The following MAPK10 variants were observed in gnomAD, a reference collection of about 807,000 sequenced individuals.
MAPK10 encodes mitogen-activated protein kinase 10.
MAPK10 carries 25 observed loss-of-function variants against 59.3 expected under a neutral mutation model. That is an observed-to-expected ratio of 0.42 (90% CI 0.31 to 0.59). The LOEUF is 0.59. MAPK10 is among the 20% of genes least tolerant of loss of function. The pLI is 0.15. For missense variants in MAPK10, 351 were observed against 568.9 expected, an observed-to-expected ratio of 0.62 and a Z score of 3.90; for synonymous variants, 190 against 200.5, an observed-to-expected ratio of 0.95 and a Z score of 0.44.
chr4:86,327,785 CAAAAAAAA>C (rs5860023), intron 2 of MAPK10: 38 of 68,908 alleles, frequency 5.5e-4, no homozygotes, highest in African/African-American at 2.1e-3. Context: ...ACTAAAAATA[CAAAAAAAA>C]AAAAAAAAAA....
intron 3 of MAPK10, among the ~76,000 whole-genome samples, chr4:86,168,055 A>G (rs2072477699): frequency 6.6e-6 from 1 of 152,214 alleles, no homozygotes; most frequent in Non-Finnish European, 1.5e-5. Context: ...TCAATGTGCA[A>G]AAGTTACAAG....
intron 4 of MAPK10, among the ~76,000 whole-genome samples, chr4:86,121,691 A>G (rs1217142040): frequency 6.6e-6 from 1 of 152,146 alleles, no homozygotes; most frequent in African/African-American, 2.4e-5. Flanking sequence ...TAATTAACAT[A>G]TATATTACCT....
intron 1 of MAPK10, among the ~76,000 whole-genome samples, chr4:86,569,614 C>T (rs74686358): frequency 0.048 from 7,229 of 152,096 alleles, 223 homozygotes; most frequent in African/African-American, 0.059. Flanking sequence ...GAAATATGCT[C>T]AGCTATAAAA....
intron 1 of MAPK10, among the ~76,000 whole-genome samples, chr4:86,511,275 G>T (rs1009972675): frequency 1.3e-5 from 2 of 151,534 alleles, no homozygotes; most frequent in Non-Finnish European, 3.0e-5. Flanking sequence ...CATGAGCTCA[G>T]GAGTTCGAGA....
At position 86,021,752 on chromosome 4, in the gene MAPK10, G is replaced by A. The variant is rs563046406; in HGVS notation, c.1253-4382C>T. 1.8e-3 allele frequency among the ~76,000 whole-genome samples: 267 copies of A among 152,368 alleles called. 1 individual carries two copies. The highest frequency in any genetic ancestry group is 6.0e-3 in the African/African-American group (250 of 41,590). On this transcript the variant is annotated intron_variant, in intron 13 of 13. Transcript: ENST00000641462. ...GGCTGCAGGTCCTGAGCCTTGCCCCGCAGGAAGGCAGCTAAGGCCCGGCGA... is the reference window on the plus strand; with the variant it reads ...GGCTGCAGGTCCTGAGCCTTGCCCCACAGGAAGGCAGCTAAGGCCCGGCGA...
intron 2 of MAPK10, among the ~76,000 whole-genome samples, chr4:86,199,908 G>C (rs2082241863): frequency 6.6e-6 from 1 of 151,900 alleles, no homozygotes; most frequent in African/African-American, 2.4e-5. Context: ...GCTGAGGTTT[G>C]TAAAGCAGGA....
intron 2 of MAPK10, among the ~76,000 whole-genome samples, chr4:86,205,842 T>C (rs2083713241): frequency 6.6e-6 from 1 of 151,932 alleles, no homozygotes; most frequent in African/African-American, 2.4e-5. Context: ...GAGTTTTCTA[T>C]CAAAAGCAAC....
intron 4 of MAPK10, chr4:86,159,075 C>T: frequency 2.8e-6 from 1 of 356,748 alleles, no homozygotes; most frequent in Non-Finnish European, 5.0e-6. Context: ...TTTTCTCTGA[C>T]CAAAAAAAAA....
chr4:86,096,960 G>A (rs1334753162), intron 9 of MAPK10, among the ~76,000 whole-genome samples: 1 of 151,734 alleles, frequency 6.6e-6, no homozygotes, highest in South Asian at 2.1e-4. Flanking sequence ...TTATCTTCTA[G>A]ACCAGCACTG....
intron 9 of MAPK10, among the ~76,000 whole-genome samples, chr4:86,092,880 T>C (rs2053516286): frequency 6.6e-6 from 1 of 152,028 alleles, no homozygotes; most frequent in East Asian, 1.9e-4. Context: ...TTCATCATCA[T>C]TCTATCATTC....
chr4:86,504,915 C>A (rs1180678921), intron 1 of MAPK10, among the ~76,000 whole-genome samples: 1 of 152,118 alleles, frequency 6.6e-6, no homozygotes, highest in Non-Finnish European at 1.5e-5. Context: ...TCCCAGTTTG[C>A]CTACAGTCCC....
chr4:86,538,656 T>C (rs920358750), intron 1 of MAPK10, among the ~76,000 whole-genome samples: 3 of 152,186 alleles, frequency 2.0e-5, no homozygotes, highest in Non-Finnish European at 2.9e-5. Flanking sequence ...AGTAGAGCTG[T>C]CCTTAAAATA....
intron 2 of MAPK10, among the ~76,000 whole-genome samples, chr4:86,204,044 T>C (rs2083257230): frequency 6.6e-6 from 1 of 151,886 alleles, no homozygotes; most frequent in Admixed American, 6.6e-5. Flanking sequence ...TCCATTAGTT[T>C]ATAAATTGTC....
intron 1 of MAPK10, among the ~76,000 whole-genome samples, chr4:86,380,624 C>T (rs1564767520): frequency 6.6e-6 from 1 of 151,860 alleles, no homozygotes; most frequent in Non-Finnish European, 1.5e-5. Flanking sequence ...TTTTCTTTTC[C>T]TCAAAACAAT....
intron 4 of MAPK10, chr4:86,123,589 A>G (rs1243105919): frequency 6.6e-6 from 1 of 151,982 alleles, no homozygotes; most frequent in African/African-American, 2.4e-5. Context: ...TGTCAGCATG[A>G]GAGGGCACTA....
At chr4:86,216,989 G>C (rs2087856573) in intron 2 of MAPK10, among the ~76,000 whole-genome samples, 1 of 152,076 alleles carries the variant, frequency 6.6e-6, no homozygotes, top group Admixed American at 6.5e-5. Flanking sequence ...AGAAAACATA[G>C]TAAACACATA....
chr4:86,172,389 C>T (rs1196084016), intron 3 of MAPK10, among the ~76,000 whole-genome samples: 1 of 150,108 alleles, frequency 6.7e-6, no homozygotes, highest in Non-Finnish European at 1.5e-5. Flanking sequence ...GAATACTATG[C>T]AGCCATAAAA....
At chr4:86,587,402 A>G (rs1385373813) in intron 1 of MAPK10, among the ~76,000 whole-genome samples, 1 of 152,206 alleles carries the variant, frequency 6.6e-6, no homozygotes. Flanking sequence ...TTCTAGTCCT[A>G]TCTGGTTTCT....
At chr4:86,484,672 C>T (rs1753854778) in intron 1 of MAPK10, among the ~76,000 whole-genome samples, 1 of 152,150 alleles carries the variant, frequency 6.6e-6, no homozygotes, top group African/African-American at 2.4e-5. Context: ...TGCTTGAGCA[C>T]ATTTTTGACA....
Sources: allele counts gnomAD v4.1 joint callset (sites outside exome capture counted in the v4.1 genomes callset), GRCh38; gene constraint gnomAD v4.1.1; transcripts MANE v1.5; gene names NCBI Gene and HGNC (gene_info 2026-07-23, HGNC 2026-07-21).